The following LPAR1 variants were observed in gnomAD, a reference collection of about 807,000 sequenced individuals.
The protein encoded by LPAR1 is LPA receptor 1.
A neutral mutation model predicts 23.8 loss-of-function variants in LPAR1; 5 were observed. The ratio of observed to expected loss-of-function variants is 0.21; its 90% CI spans 0.11 to 0.44. The LOEUF (loss-of-function observed/expected upper bound fraction) is 0.44, where lower values mean the gene tolerates loss of function less well. Among genes scored for constraint, LPAR1 ranks in the 20% least tolerant of loss-of-function variants. The pLI is 0.99. For missense variants in LPAR1, 311 were observed against 482.8 expected (o/e 0.64, Z 3.33); for synonymous variants, 160 against 164.7 (o/e 0.97, Z 0.22).
intron 5 of LPAR1, among the ~76,000 whole-genome samples, chr9:110,895,238 CT>C (rs1057240494): frequency 6.6e-6 from 1 of 152,204 alleles, no homozygotes; most frequent in Non-Finnish European, 1.5e-5. Flanking sequence ...ATCCTTCTGG[CT>C]TTAGAGAGCC....
chr9:110,961,501 T>TC (rs1387357689), intron 4 of LPAR1, among the ~76,000 whole-genome samples: 2 of 150,156 alleles, frequency 1.3e-5, no homozygotes, highest in Non-Finnish European at 3.0e-5. Context: ...ACACTTGTAG[T>TC]CCCAGCTACT....
At chr9:110,875,995 T>C (rs2079006570) in intron 5 of LPAR1, among the ~76,000 whole-genome samples, 1 of 152,196 alleles carries the variant, frequency 6.6e-6, no homozygotes, top group African/African-American at 2.4e-5. Context: ...AAGAGTTTGA[T>C]AAGCAATTGA....
At chr9:111,034,493 T>A (rs962198439) in intron 2 of LPAR1, among the ~76,000 whole-genome samples, 9 of 152,232 alleles carry the variant, frequency 5.9e-5, no homozygotes, top group African/African-American at 2.2e-4. Context: ...GGTCCAGCTA[T>A]AACACAATAG....
intron 2 of LPAR1, among the ~76,000 whole-genome samples, chr9:110,982,362 A>G (rs770942146): frequency 5.3e-5 from 8 of 152,152 alleles, no homozygotes; most frequent in Non-Finnish European, 1.2e-4. Context: ...CATTCTCAGC[A>G]AAGTAACACA....
chr9:111,030,045 CAAAAAAAAA>C (rs56962960), intron 2 of LPAR1, among the ~76,000 whole-genome samples: 10 of 75,228 alleles, frequency 1.3e-4, no homozygotes, highest in Admixed American at 3.3e-4. Flanking sequence ...GGCTCTGCCT[CAAAAAAAAA>C]AAAAAAAAAA....
intron 4 of LPAR1, among the ~76,000 whole-genome samples, chr9:110,944,784 T>C (rs1182551493): frequency 6.6e-6 from 1 of 152,190 alleles, no homozygotes; most frequent in Non-Finnish European, 1.5e-5. Flanking sequence ...CTCTCAACAA[T>C]TGACTGTAAT....
At chr9:110,983,472 T>C (rs964150881) in intron 2 of LPAR1, among the ~76,000 whole-genome samples, 5 of 151,968 alleles carry the variant, frequency 3.3e-5, no homozygotes, top group South Asian at 4.1e-4. Context: ...CAAAGTACAG[T>C]AGTACTTGCC....
chr9:110,888,239 A>G (rs2082941824), intron 5 of LPAR1, among the ~76,000 whole-genome samples: 1 of 152,168 alleles, frequency 6.6e-6, no homozygotes, highest in Non-Finnish European at 1.5e-5. Flanking sequence ...CATTGACTGG[A>G]GTTCTGTGTC....
intron 5 of LPAR1, among the ~76,000 whole-genome samples, chr9:110,918,319 C>G (rs2093361552): frequency 1.3e-5 from 2 of 152,114 alleles, no homozygotes; most frequent in African/African-American, 4.8e-5. Context: ...GACATAAGAA[C>G]CACCCAACAT....
intron 2 of LPAR1, among the ~76,000 whole-genome samples, chr9:110,981,993 T>C (rs1337795459): frequency 2.6e-5 from 4 of 152,066 alleles, no homozygotes; most frequent in African/African-American, 9.7e-5. Context: ...GGAGAGGATG[T>C]GGGGAAAATA....
In LPAR1 at chr9:110,915,325, TAA is replaced by T. The variant is rs1019798717; in HGVS notation, c.793+26094_793+26095del. ...GCTGAGGCAGGCAGATCACTGGAGG[TAA>T]AGAGTTGGAGACCAGCCTGACCAAC... is the stretch of plus-strand genomic sequence containing the variant. On this transcript the variant is annotated intron_variant, in intron 5 of 5. Coordinates refer to ENST00000683809, the MANE Select transcript of LPAR1 (RefSeq NM_001351411.2). Among the ~76,000 whole-genome samples the T allele has an allele frequency of 2.5e-4, 38 of 152,124 alleles. 1 individual carries two copies. The highest frequency in any genetic ancestry group is 2.4e-3 in the Admixed American group (36 of 15,278).
At chr9:110,909,416 T>G (rs1441712239) in intron 5 of LPAR1, among the ~76,000 whole-genome samples, 1 of 152,184 alleles carries the variant, frequency 6.6e-6, no homozygotes, top group Admixed American at 6.5e-5. Context: ...TGATTGACTT[T>G]CAGTGCAGTG....
intron 5 of LPAR1, among the ~76,000 whole-genome samples, chr9:110,881,242 T>C (rs1462337212): frequency 1.3e-5 from 2 of 152,218 alleles, no homozygotes; most frequent in Admixed American, 6.5e-5. Flanking sequence ...ACATGTTGCA[T>C]ACATTTAAAG....
chr9:110,918,522 C>T (rs1198689883), intron 5 of LPAR1, among the ~76,000 whole-genome samples: 3 of 152,086 alleles, frequency 2.0e-5, no homozygotes, highest in African/African-American at 7.2e-5. Context: ...TGTTTCCATG[C>T]CACTGTGTTC....
intron 2 of LPAR1, among the ~76,000 whole-genome samples, chr9:110,988,001 C>G (rs1166049593): frequency 2.0e-5 from 3 of 151,552 alleles, no homozygotes; most frequent in African/African-American, 4.8e-5. Flanking sequence ...AAAAAGACAC[C>G]TAGAGAGGAA....
In LPAR1 at chr9:110,979,385, T is replaced by C. The variant is rs551073634; in HGVS notation, c.-181-5827A>G. On this transcript the variant is annotated intron_variant, in intron 2 of 5. Coordinates refer to ENST00000683809, the MANE Select transcript of LPAR1 (RefSeq NM_001351411.2). ...CAGCAGGTCTAATAGCCAAATAGAATTCCAGAATAAAAGAGTAAAGGAAAT... is the reference window on the plus strand; with the variant it reads ...CAGCAGGTCTAATAGCCAAATAGAACTCCAGAATAAAAGAGTAAAGGAAAT... Among the ~76,000 whole-genome samples the C allele has an allele frequency of 5.3e-5, 8 of 151,316 alleles. No homozygotes were observed. In the East Asian group the frequency reaches 1.4e-3, roughly 26 times the overall value.
intron 5 of LPAR1, among the ~76,000 whole-genome samples, chr9:110,918,031 T>A (rs2093336599): frequency 6.6e-6 from 1 of 152,110 alleles, no homozygotes; most frequent in African/African-American, 2.4e-5. Flanking sequence ...GCCTTCCAAG[T>A]AGCTGGGACA....
intron 2 of LPAR1, chr9:110,999,335 A>C (rs975780314): frequency 2.2e-6 from 1 of 453,348 alleles, no homozygotes; most frequent in Non-Finnish European, 4.4e-6. Flanking sequence ...GAATGCTTTA[A>C]TTGCTAAAAA....
chr9:110,906,260 T>C (rs1218373584), intron 5 of LPAR1, among the ~76,000 whole-genome samples: 1 of 152,186 alleles, frequency 6.6e-6, no homozygotes, highest in Non-Finnish European at 1.5e-5. Context: ...TGTCTTCTAT[T>C]ATATGTAGGA....
Sources: gnomAD v4.1 joint callset for allele counts (sites outside exome capture counted in the v4.1 genomes callset) on GRCh38, gnomAD v4.1.1 for gene constraint, MANE v1.5 for transcripts, NCBI Gene and HGNC (gene_info 2026-07-23, HGNC 2026-07-21) for gene names.